The following CDH12 variants were observed in gnomAD, a reference collection of about 807,000 sequenced individuals.
CDH12 encodes the protein cadherin 12.
In CDH12, 41 loss-of-function variants were observed where a neutral mutation model predicts 74.1. The observed-to-expected ratio is 0.55, with a 90% CI of 0.43 to 0.72. The LOEUF is 0.72. Among genes scored for constraint, CDH12 ranks in the 30% least tolerant of loss-of-function variants. The pLI is 0.00. For missense variants in CDH12, 945 were observed against 977.2 expected, an observed-to-expected ratio of 0.97 and a Z score of 0.44; for synonymous variants, 399 against 355.0, an observed-to-expected ratio of 1.12 and a Z score of -1.39.
At chr5:22,377,333 A>G (rs1028510678) in intron 3 of CDH12, among the ~76,000 whole-genome samples, 1 of 152,022 alleles carries the variant, frequency 6.6e-6, no homozygotes, top group African/African-American at 2.4e-5. Context: ...AGTTTATAAA[A>G]GTTTGGTAGA....
At chr5:22,033,373 T>C (rs1174874910) in intron 5 of CDH12, among the ~76,000 whole-genome samples, 3 of 152,214 alleles carry the variant, frequency 2.0e-5, no homozygotes, top group Non-Finnish European at 4.4e-5. Context: ...GGTTTTCCAT[T>C]ATCTCAACTT....
chr5:22,665,761 T>G (rs1408265935), intron 1 of CDH12, among the ~76,000 whole-genome samples: 1 of 152,190 alleles, frequency 6.6e-6, no homozygotes, highest in African/African-American at 2.4e-5. Context: ...TTGGTAGCTG[T>G]TGACCATCCA....
At chr5:21,764,516 G>T (rs1335672332) in intron 12 of CDH12, among the ~76,000 whole-genome samples, 1 of 151,778 alleles carries the variant, frequency 6.6e-6, no homozygotes, top group African/African-American at 2.4e-5. Flanking sequence ...GGGCATGGTG[G>T]CGCATGCCTA....
intron 8 of CDH12, among the ~76,000 whole-genome samples, chr5:21,833,462 ATAT>A (rs1364055868): frequency 1.2e-4 from 10 of 84,990 alleles, no homozygotes; most frequent in Admixed American, 5.0e-4. Flanking sequence ...TATATGATAT[ATAT>A]TATTATATAT....
intron 3 of CDH12, among the ~76,000 whole-genome samples, chr5:22,333,695 G>A (rs891256097): frequency 1.3e-5 from 2 of 151,992 alleles, no homozygotes; most frequent in Admixed American, 1.3e-4. Context: ...AAAACTAAAG[G>A]TCAGTATTTT....
chr5:22,636,034 T>C (rs555292027), intron 1 of CDH12, among the ~76,000 whole-genome samples: 5 of 152,160 alleles, frequency 3.3e-5, no homozygotes, highest in African/African-American at 1.2e-4. Flanking sequence ...TACCAAATAA[T>C]GTTAGTAGAC....
chr5:22,065,360 A>C (rs1741480995), intron 5 of CDH12, among the ~76,000 whole-genome samples: 1 of 149,082 alleles, frequency 6.7e-6, no homozygotes, highest in South Asian at 2.1e-4. Context: ...AAGAAACACA[A>C]AGTTAGATTG....
chr5:22,116,708 C>G (rs140473580), intron 4 of CDH12, among the ~76,000 whole-genome samples: 1 of 151,908 alleles, frequency 6.6e-6, no homozygotes, highest in African/African-American at 2.4e-5. Context: ...GTAGCCCCAC[C>G]ACAGTAGACT....
intron 1 of CDH12, among the ~76,000 whole-genome samples, chr5:22,777,958 A>C (rs949355721): frequency 3.3e-5 from 5 of 151,864 alleles, no homozygotes; most frequent in African/African-American, 1.2e-4. Context: ...GGAGTGTGCC[A>C]CCACTCCAAG....
chr5:21,840,076 G>A (rs1341437724), intron 8 of CDH12, among the ~76,000 whole-genome samples: 1 of 152,068 alleles, frequency 6.6e-6, no homozygotes, highest in African/African-American at 2.4e-5. Flanking sequence ...CAGAACTAAA[G>A]TAATGTAAAT....
intron 3 of CDH12, among the ~76,000 whole-genome samples, chr5:22,246,465 T>A (rs1200075542): frequency 6.6e-6 from 1 of 152,160 alleles, no homozygotes; most frequent in Non-Finnish European, 1.5e-5. Context: ...AGCTTTATTC[T>A]ACTGACTTAA....
intron 3 of CDH12, among the ~76,000 whole-genome samples, chr5:22,293,734 G>A (rs1301439456): frequency 6.6e-6 from 1 of 152,122 alleles, no homozygotes; most frequent in Non-Finnish European, 1.5e-5. Flanking sequence ...AGTGCAATAA[G>A]CCAGGCACAG....
chr5:22,613,512 ACT>A (rs1244991523), intron 1 of CDH12, among the ~76,000 whole-genome samples: 1 of 151,942 alleles, frequency 6.6e-6, no homozygotes, highest in Non-Finnish European at 1.5e-5. Context: ...ATGAGACACG[ACT>A]CTCTTTCAGT....
intron 4 of CDH12, among the ~76,000 whole-genome samples, chr5:22,124,756 A>G (rs771697444): frequency 6.6e-6 from 1 of 152,174 alleles, no homozygotes; most frequent in Non-Finnish European, 1.5e-5. Flanking sequence ...AGGATCTTTG[A>G]ATGTATGGAG....
intron 3 of CDH12, among the ~76,000 whole-genome samples, chr5:22,273,614 G>A (rs565590077): frequency 1.5e-4 from 23 of 152,042 alleles, no homozygotes; most frequent in Non-Finnish European, 3.1e-4. Flanking sequence ...CGTCTTTTCC[G>A]TGCATTTCCT....
chr5:22,769,627 ATTAG>A (rs934604907), intron 1 of CDH12, among the ~76,000 whole-genome samples: 7 of 151,884 alleles, frequency 4.6e-5, no homozygotes, highest in African/African-American at 7.2e-5. Context: ...CATCTATCCT[ATTAG>A]TTCTGTCTCT....
intron 3 of CDH12, among the ~76,000 whole-genome samples, chr5:22,269,308 T>C (rs989452041): frequency 6.6e-6 from 1 of 152,140 alleles, no homozygotes; most frequent in Non-Finnish European, 1.5e-5. Flanking sequence ...AAATGTCTAG[T>C]CCAAAATCCA....
intron 11 of CDH12, among the ~76,000 whole-genome samples, chr5:21,772,563 C>T (rs1205237226): frequency 2.0e-5 from 3 of 152,066 alleles, no homozygotes; most frequent in Non-Finnish European, 2.9e-5. Context: ...TGTGAGCCAC[C>T]GTGCCTGGCC....
At chr5:22,748,051 A>T (rs1415340401) in intron 1 of CDH12, among the ~76,000 whole-genome samples, 1 of 152,210 alleles carries the variant, frequency 6.6e-6, no homozygotes, top group Non-Finnish European at 1.5e-5. Context: ...TGCCACTGAG[A>T]TGGCTTTGGA....
Sources: gnomAD v4.1 joint callset for allele counts (sites outside exome capture counted in the v4.1 genomes callset) on GRCh38, gnomAD v4.1.1 for gene constraint, MANE v1.5 for transcripts, NCBI Gene and HGNC (gene_info 2026-07-23, HGNC 2026-07-21) for gene names.